Variants in GAPVD1 observed in about 807,000 individuals in gnomAD.
GAPVD1 encodes GTPase activating protein and VPS9 domains 1.
Under a neutral mutation model 155.5 loss-of-function variants are expected in GAPVD1, and 35 were observed. The ratio of observed to expected loss-of-function variants is 0.23; its 90% CI spans 0.17 to 0.30. The LOEUF (loss-of-function observed/expected upper bound fraction) is 0.30. Ranked by LOEUF, GAPVD1 falls within the 10% of genes least tolerant of loss-of-function variation. The pLI is 1.00. For synonymous variants in GAPVD1, 636 were observed against 619.7 expected, an observed-to-expected ratio of 1.03 and a Z score of -0.39; for missense variants, 1,429 against 1,775.7, an observed-to-expected ratio of 0.80 and a Z score of 3.51.
intron 25 of GAPVD1, among the ~76,000 whole-genome samples, chr9:125,359,164 T>C (rs1359466887): frequency 6.6e-6 from 1 of 152,282 alleles, no homozygotes; most frequent in Non-Finnish European, 1.5e-5. Context: ...TCCTCTCCTT[T>C]CTTCCTTGCA....
Position 125,354,728 on chromosome 9 carries a change from G to A in GAPVD1, c.3644G>A (p.Arg1215Lys). 1 of 1,613,496 alleles carries A rather than the reference G, an allele frequency of 6.2e-7. No individual in the cohort carries two copies. The highest frequency in any genetic ancestry group is 2.2e-5 in the East Asian group (1 of 44,884). ...CAGACCACACAGGCTCACCTGGAAA[G>A]GCTATTGCAAAGAGTTTTGCGGGAC... ...GLQTTQAHLE[R>K]LLQRVLRDKE... The change falls in exon 24 of 28, where the codon AGG (arginine) becomes AAG (lysine). Residue 1215 changes from arginine to lysine, a missense_variant. By Grantham distance (26) the Arg-to-Lys change is conservative. Coordinates refer to ENST00000297933, the MANE Select transcript of GAPVD1 (RefSeq NM_001282680.3).
chr9:125,286,730 C>T (rs753149430), intron 2 of GAPVD1, among the ~76,000 whole-genome samples: 108 of 151,840 alleles, frequency 7.1e-4, no homozygotes, highest in Non-Finnish European at 1.4e-3. Flanking sequence ...TTTGAGGACA[C>T]GGAAAGACAG....
At chr9:125,285,492 C>A (rs1231465550) in intron 2 of GAPVD1, among the ~76,000 whole-genome samples, 1 of 117,696 alleles carries the variant, frequency 8.5e-6, no homozygotes, top group Non-Finnish European at 1.6e-5. Flanking sequence ...GAGTCTTCCT[C>A]TGTTGTCCAA....
At chr9:125,275,325 C>G (rs984155125) in intron 2 of GAPVD1, among the ~76,000 whole-genome samples, 1 of 152,210 alleles carries the variant, frequency 6.6e-6, no homozygotes, top group African/African-American at 2.4e-5. Flanking sequence ...ATCCACCCAC[C>G]TGGGCCTCCC....
At chr9:125,358,337 C>T (rs1277712493) in intron 25 of GAPVD1, among the ~76,000 whole-genome samples, 1 of 152,136 alleles carries the variant, frequency 6.6e-6, no homozygotes, top group Admixed American at 6.5e-5. Context: ...AACTCCTGAC[C>T]TCAAGTGATC....
chr9:125,304,675 A>G (rs1197810565), intron 5 of GAPVD1, among the ~76,000 whole-genome samples: 3 of 152,218 alleles, frequency 2.0e-5, no homozygotes, highest in East Asian at 1.9e-4. Context: ...TGTGAACGCT[A>G]TAAGGTAATG....
At chr9:125,309,701 T>G (rs1842376202) in intron 8 of GAPVD1, among the ~76,000 whole-genome samples, 2 of 152,300 alleles carry the variant, frequency 1.3e-5, no homozygotes, top group South Asian at 4.1e-4. Context: ...TTTTAGTAAA[T>G]CAGAGATTTT....
chr9:125,261,991 T>A (rs1832984451), intron 1 of GAPVD1, 32 bp downstream of exon 1: 1 of 152,542 alleles, frequency 6.6e-6, no homozygotes, highest in African/African-American at 2.4e-5. Flanking sequence ...GTCCGCGGGC[T>A]GTGAGCGGCT....
At chr9:125,276,945 G>A (rs1013760339) in intron 2 of GAPVD1, among the ~76,000 whole-genome samples, 4 of 151,450 alleles carry the variant, frequency 2.6e-5, no homozygotes, top group African/African-American at 7.3e-5. Context: ...TTTTTTTTTC[G>A]TAAATATGGA....
chr9:125,346,255 CA>C (rs1848507510), intron 19 of GAPVD1: 1 of 160,324 alleles, frequency 6.2e-6, no homozygotes, highest in Non-Finnish European at 1.4e-5. Flanking sequence ...ATTGCATGCA[CA>C]AAAGTGCTCT....
chr9:125,337,623 G>T (rs756049016), intron 17 of GAPVD1, 32 bp downstream of exon 17: 1 of 1,574,068 alleles, frequency 6.4e-7, no homozygotes. Flanking sequence ...AAAGAATTAT[G>T]TTCTGCCTGC....
At chr9:125,264,965 C>T (rs1000740660) in intron 1 of GAPVD1, among the ~76,000 whole-genome samples, 1 of 152,126 alleles carries the variant, frequency 6.6e-6, no homozygotes, top group Non-Finnish European at 1.5e-5. Context: ...GTGATCTGCC[C>T]GCCTTGGCCC....
Position 125,337,563 on chromosome 9 carries a change from C to A in GAPVD1, c.2849C>A (p.Ser950Tyr), listed in dbSNP as rs1184884259. 6.2e-7 allele frequency: 1 copy of A among 1,613,976 alleles called. No homozygotes were observed. Among genetic ancestry groups the A allele is most frequent in the Non-Finnish European group, 8.5e-7 (1 of 1,179,912 alleles). ...LVAAPHSSSS[S>Y]PSKDSSRGET... ...GCTGCACCTCATTCATCATCTTCATCCCCGAGTAAGGACTCCTCAAGAGGA... is the reference window on the plus strand; with the variant it reads ...GCTGCACCTCATTCATCATCTTCATACCCGAGTAAGGACTCCTCAAGAGGA... Residue 950 changes from serine (S) to tyrosine (Y), a missense_variant, in exon 17 of 28, where the codon TCC becomes TAC. Ser to Tyr is a moderately radical substitution (Grantham distance 144, BLOSUM62 -2). Around this residue, in one of 4 missense-constraint regions of GAPVD1, gnomAD observed 699 missense variants for 826.0 expected, o/e 0.85. Transcript: ENST00000297933.
In GAPVD1 at chr9:125,305,002, A is replaced by G. The variant is rs185423361; in HGVS notation, c.1030-61A>G. 139 of 1,043,608 alleles carry G rather than the reference A, an allele frequency of 1.3e-4. No homozygotes were observed. In the African/African-American group the frequency reaches 1.8e-3, roughly 14 times the overall value. 64.6% of individuals were successfully genotyped at this position (1,043,608 alleles called of 1,614,324 possible). On this transcript the variant is annotated intron_variant, in intron 5 of 27. Coordinates refer to ENST00000297933, the MANE Select transcript of GAPVD1 (RefSeq NM_001282680.3). ...AGAATAGACGTGCTTGCTTTCATAG[A>G]GACGTATTTGTGAGTATCTGTCTGT...
chr9:125,322,255 G>A (rs1390473531), intron 10 of GAPVD1, among the ~76,000 whole-genome samples: 1 of 151,930 alleles, frequency 6.6e-6, no homozygotes, highest in Non-Finnish European at 1.5e-5. Flanking sequence ...TAGTAGAGAC[G>A]GGGTTTCACC....
In GAPVD1 at chr9:125,346,930, A is replaced by G. The variant is rs750490016; in HGVS notation, c.3158A>G (p.Tyr1053Cys). The change falls in exon 20 of 28, where the codon TAT becomes TGT. Residue 1053 changes from tyrosine to cysteine, a missense_variant. By Grantham distance (194) the Tyr-to-Cys change is radical. Transcript: ENST00000297933. Reference protein sequence around the residue: ...TSPSDGAMANYESTEVMGDGE... With the variant: ...TSPSDGAMANCESTEVMGDGE... ...CCCAGTGATGGAGCAATGGCAAACT[A>G]TGAAAGTACAGGTGATAATCATGAC... 50 of 1,612,476 alleles carry G rather than the reference A, an allele frequency of 3.1e-5. No individual in the cohort carries two copies. The highest frequency in any genetic ancestry group is 6.7e-5 in the African/African-American group (5 of 74,922).
intron 2 of GAPVD1, among the ~76,000 whole-genome samples, chr9:125,280,208 C>T (rs1351980415): frequency 6.6e-6 from 1 of 150,978 alleles, no homozygotes; most frequent in Non-Finnish European, 1.5e-5. Context: ...ACCAGCCTGA[C>T]CAACATGGAG....
chr9:125,308,365 T>C (rs976866011), intron 8 of GAPVD1: 2 of 154,018 alleles, frequency 1.3e-5, no homozygotes, highest in Admixed American at 1.3e-4. Flanking sequence ...AAAAAAATTA[T>C]GTAGCCCCCT....
At position 125,302,523 on chromosome 9, in the gene GAPVD1, A is replaced by G. The variant is rs768254622; in HGVS notation, c.726A>G (p.Arg242=). 27 of 1,614,012 alleles carry G rather than the reference A, an allele frequency of 1.7e-5. No individual in the cohort carries two copies. The highest frequency in any genetic ancestry group is 2.2e-5 in the Non-Finnish European group (26 of 1,179,966). The stretch of plus-strand genomic sequence containing the variant: ...TCTTTGGAGAGAAGGGCTCAGATAG[A>G]TTCAGGCAAAAAGTTCAAGAAATGG... ...EKLFGEKGSD[R]FRQKVQEMVE... Residue 242 remains arginine, a synonymous_variant, in exon 5 of 28, where the codon AGA becomes AGG. Coordinates refer to ENST00000297933, the MANE Select transcript of GAPVD1 (RefSeq NM_001282680.3).
Sources: gnomAD v4.1 joint callset for allele counts (sites outside exome capture counted in the v4.1 genomes callset) on GRCh38, gnomAD v4.1.1 for gene constraint, gnomAD v4.1.1 regional missense constraint, MANE v1.5 for transcripts, NCBI Gene and HGNC (gene_info 2026-07-23, HGNC 2026-07-21) for gene names.